The following PLSCR2 variants were observed in gnomAD, a reference collection of about 807,000 sequenced individuals.
The protein encoded by PLSCR2 is PL scramblase 2.
Under a neutral mutation model 25.3 loss-of-function variants are expected in PLSCR2, and 18 were observed. The ratio of observed to expected loss-of-function variants is 0.71; its 90% CI spans 0.49 to 1.06. The LOEUF is 1.06. Ranked by LOEUF, PLSCR2 falls within the 50% of genes least tolerant of loss-of-function variation. The pLI, the probability that PLSCR2 is intolerant of heterozygous loss-of-function variation, is 0.00. For missense variants in PLSCR2, 243 were observed against 269.5 expected, an observed-to-expected ratio of 0.90 and a Z score of 0.69; for synonymous variants, 88 against 87.3, an observed-to-expected ratio of 1.01 and a Z score of -0.04.
chr3:146,472,977 C>T (rs985863625), intron 1 of PLSCR2, among the ~76,000 whole-genome samples: 2 of 152,184 alleles, frequency 1.3e-5, no homozygotes, highest in Non-Finnish European at 2.9e-5. Flanking sequence ...GGTTCTTCTT[C>T]CTCTCCTTAT....
intron 2 of PLSCR2, among the ~76,000 whole-genome samples, chr3:146,459,137 G>A (rs894224496): frequency 4.6e-5 from 7 of 152,122 alleles, no homozygotes; most frequent in African/African-American, 1.7e-4. Context: ...AAACTATCAT[G>A]TAGTACAGCA....
At chr3:146,415,331 A>G (rs10804713) in intron 2 of PLSCR2, among the ~76,000 whole-genome samples, 75,504 of 151,890 alleles carry the variant, frequency 0.5, 19,437 homozygotes, top group South Asian at 0.7. Context: ...ATAGTAGTCT[A>G]AAATTAAATT....
downstream of PLSCR2, among the ~76,000 whole-genome samples, chr3:146,440,458 T>C (rs1342438022): frequency 6.6e-6 from 1 of 152,228 alleles, no homozygotes; most frequent in Non-Finnish European, 1.5e-5. Flanking sequence ...GTTTACCTAC[T>C]CAAGCCTCAG....
chr3:146,393,330 C>T (rs2107967951), intron 3 of PLSCR2, among the ~76,000 whole-genome samples: 1 of 151,634 alleles, frequency 6.6e-6, no homozygotes, highest in Middle Eastern at 3.4e-3. Flanking sequence ...GCCCAGCCTA[C>T]ATTTCTATAT....
At chr3:146,481,526 T>C (rs1428632181) in intron 1 of PLSCR2, among the ~76,000 whole-genome samples, 1 of 152,142 alleles carries the variant, frequency 6.6e-6, no homozygotes, top group Non-Finnish European at 1.5e-5. Context: ...TTACAAAGGA[T>C]GTGAAGGACC....
chr3:146,454,237 G>A (rs994603221), intron 4 of PLSCR2, 74 bp from the exon 5 acceptor site: 4 of 1,075,024 alleles, frequency 3.7e-6, no homozygotes, highest in East Asian at 2.8e-5. Flanking sequence ...CTAATTTACT[G>A]AGCATTTCCT....
intron 1 of PLSCR2, among the ~76,000 whole-genome samples, chr3:146,470,786 G>C (rs1052822756): frequency 6.6e-6 from 1 of 152,128 alleles, no homozygotes; most frequent in South Asian, 2.1e-4. Context: ...AAGGAAAATC[G>C]AGCTACCTGA....
At chr3:146,441,353 AT>A (rs1490366195), downstream of PLSCR2, among the ~76,000 whole-genome samples, 1 of 152,032 alleles carries the variant, frequency 6.6e-6, no homozygotes, top group Non-Finnish European at 1.5e-5. Context: ...TTGCATATTA[AT>A]TTTTACATAA....
chr3:146,487,280 ACTC>A (rs2108562430), intron 1 of PLSCR2, among the ~76,000 whole-genome samples: 1 of 152,080 alleles, frequency 6.6e-6, no homozygotes, highest in South Asian at 2.1e-4. Flanking sequence ...CTCTCTCACT[ACTC>A]CTGTATAACA....
downstream of PLSCR2, among the ~76,000 whole-genome samples, chr3:146,438,258 G>A (rs192343602): frequency 1.3e-5 from 2 of 152,296 alleles, no homozygotes; most frequent in East Asian, 1.9e-4. Context: ...CTGTTGATCT[G>A]GGGTGGAGAG....
intron 8 of PLSCR2, among the ~76,000 whole-genome samples, chr3:146,436,403 T>G (rs1428556728): frequency 6.6e-6 from 1 of 152,244 alleles, no homozygotes; most frequent in Non-Finnish European, 1.5e-5. Flanking sequence ...TTCCTGTCCA[T>G]GAGCATGAAA....
At chr3:146,464,566 T>G (rs2041775233), upstream of PLSCR2, among the ~76,000 whole-genome samples, 1 of 152,222 alleles carries the variant, frequency 6.6e-6, no homozygotes, top group Admixed American at 6.5e-5. Flanking sequence ...ATTTTTATGC[T>G]GTACTAAAAC....
At chr3:146,441,736 C>T, downstream of PLSCR2, 1 of 1,294,466 alleles carries the variant, frequency 7.7e-7, no homozygotes, top group East Asian at 2.4e-5. Flanking sequence ...ACACAGACTT[C>T]AAATTTTCTG....
chr3:146,455,553 G>A, intron 3 of PLSCR2, 94 bp from the exon 4 acceptor site: 1 of 742,900 alleles, frequency 1.3e-6, no homozygotes, highest in Admixed American at 2.4e-5. Context: ...GATGCTCCAA[G>A]TATCATAGAA....
chr3:146,480,948 T>G (rs2043108326), intron 1 of PLSCR2, among the ~76,000 whole-genome samples: 2 of 152,122 alleles, frequency 1.3e-5, no homozygotes, highest in South Asian at 4.1e-4. Flanking sequence ...TCAATAAACA[T>G]AATCCATCAC....
intron 5 of PLSCR2, among the ~76,000 whole-genome samples, chr3:146,451,542 C>G (rs1442937229): frequency 1.3e-5 from 2 of 152,090 alleles, no homozygotes; most frequent in African/African-American, 4.8e-5. Flanking sequence ...CACGCAGCTT[C>G]AAAATCCTTA....
chr3:146,437,403 G>A (rs2039942525), downstream of PLSCR2, among the ~76,000 whole-genome samples: 1 of 151,964 alleles, frequency 6.6e-6, no homozygotes, highest in East Asian at 1.9e-4. Context: ...ATCTGGTCCT[G>A]GACTTTTTTT....
chr3:146,440,105 C>T (rs1339863730), downstream of PLSCR2, among the ~76,000 whole-genome samples: 2 of 152,268 alleles, frequency 1.3e-5, no homozygotes, highest in African/African-American at 2.4e-5. Context: ...TGCAGAACGG[C>T]AAATGTTGCT....
intron 1 of PLSCR2, chr3:146,495,836 G>A: frequency 7.6e-7 from 1 of 1,322,874 alleles, no homozygotes; most frequent in East Asian, 2.5e-5. Context: ...GTATGTAGTA[G>A]TTATAGAGAT....
Sources: gnomAD v4.1 joint callset for allele counts (sites outside exome capture counted in the v4.1 genomes callset) on GRCh38, gnomAD v4.1.1 for gene constraint, MANE v1.5 for transcripts, NCBI Gene and HGNC (gene_info 2026-07-23, HGNC 2026-07-21) for gene names.